ARK2N: variants seen among roughly 807,000 people sequenced by gnomAD.
ARK2N encodes protein ARK2N.
At chr18:46,226,647 A>G in the ARK2N span, among the ~76,000 whole-genome samples, 1 of 152,194 alleles carries the variant, frequency 6.6e-6, no homozygotes, top group African/African-American at 2.4e-5. Flanking sequence ...AGATGTTTTT[A>G]TGTGCAGCCT....
the ARK2N span, among the ~76,000 whole-genome samples, chr18:46,193,591 GTTTTTT>G: frequency 3.0e-4 from 28 of 92,396 alleles, no homozygotes; most frequent in Admixed American, 1.5e-3. Context: ...GCCCAGCCGG[GTTTTTT>G]TTTTTTTTTT....
chr18:46,176,487 C>A, the ARK2N span, among the ~76,000 whole-genome samples: 1 of 149,522 alleles, frequency 6.7e-6, no homozygotes, highest in African/African-American at 2.5e-5. Flanking sequence ...GACACTCTTG[C>A]TCTGTCACCC....
At chr18:46,187,385 G>A in the ARK2N span, among the ~76,000 whole-genome samples, 5 of 147,826 alleles carry the variant, frequency 3.4e-5, no homozygotes, top group Admixed American at 1.3e-4. Context: ...TCTGTCACCC[G>A]GGCTGGAGTG....
the ARK2N span, chr18:46,240,295 C>G: frequency 2.5e-6 from 3 of 1,223,562 alleles, no homozygotes; most frequent in Non-Finnish European, 3.4e-6. Context: ...CCAGAGACAT[C>G]TGGCATTGAA....
the ARK2N span, among the ~76,000 whole-genome samples, chr18:46,257,946 A>G: frequency 7.3e-6 from 1 of 137,598 alleles, no homozygotes; most frequent in African/African-American, 2.7e-5. Context: ...TTTTTTTTTG[A>G]GATGGAGTCT....
At chr18:46,201,782 T>TC in the ARK2N span, among the ~76,000 whole-genome samples, 5 of 148,898 alleles carry the variant, frequency 3.4e-5, no homozygotes, top group African/African-American at 1.2e-4. Context: ...TTCTTTTCTT[T>TC]TTTTTTTTTT....
the ARK2N span, among the ~76,000 whole-genome samples, chr18:46,190,242 G>A: frequency 7.2e-5 from 11 of 152,148 alleles, no homozygotes; most frequent in African/African-American, 2.4e-4. Flanking sequence ...TTTTCAGGCC[G>A]GGCGTGGTGG....
chr18:46,200,079 T>C, the ARK2N span, among the ~76,000 whole-genome samples: 1 of 151,642 alleles, frequency 6.6e-6, no homozygotes, highest in Non-Finnish European at 1.5e-5. Context: ...TGTGTGTGTG[T>C]GTGTGTGTGT....
chr18:46,197,740 T>G, the ARK2N span, among the ~76,000 whole-genome samples: 1 of 152,060 alleles, frequency 6.6e-6, no homozygotes, highest in Admixed American at 6.5e-5. Flanking sequence ...GACTCTCTTT[T>G]CAAAAAGGGG....
At chr18:46,225,976 C>G in the ARK2N span, among the ~76,000 whole-genome samples, 3 of 152,034 alleles carry the variant, frequency 2.0e-5, no homozygotes, top group Non-Finnish European at 4.4e-5. Context: ...TTAGTGAACC[C>G]AAATAGGTAG....
the ARK2N span, among the ~76,000 whole-genome samples, chr18:46,190,292 G>A: frequency 1.3e-5 from 2 of 152,072 alleles, no homozygotes; most frequent in Non-Finnish European, 2.9e-5. Flanking sequence ...GGCCGAGGCG[G>A]GTGGATCACA....
the ARK2N span, among the ~76,000 whole-genome samples, chr18:46,185,789 C>T: frequency 6.6e-6 from 1 of 152,248 alleles, no homozygotes; most frequent in South Asian, 2.1e-4. Flanking sequence ...GAGTTTGAGA[C>T]CAGCCTGGCC....
the ARK2N span, among the ~76,000 whole-genome samples, chr18:46,195,332 G>A: frequency 1.5e-5 from 2 of 132,458 alleles, no homozygotes; most frequent in Admixed American, 8.7e-5. Context: ...GCAGTGTTTC[G>A]ATCATAGCTT....
chr18:46,194,824 G>T, the ARK2N span, among the ~76,000 whole-genome samples: 1,514 of 135,452 alleles, frequency 0.011, 12 homozygotes, highest in Middle Eastern at 0.035. Context: ...TTTTTTTTGA[G>T]ATAGAGTCTC....
chr18:46,216,887 C>T, the ARK2N span: 4 of 317,478 alleles, frequency 1.3e-5, no homozygotes, highest in East Asian at 2.5e-4. The surrounding 1 kb of genome is among the most constrained non-coding windows in gnomAD (Gnocchi z 4.3). Flanking sequence ...ACCTGAACTC[C>T]CAATCATTGC....
At chr18:46,228,986 AAAG>A in the ARK2N span, 2 of 390,034 alleles carry the variant, frequency 5.1e-6, no homozygotes. Flanking sequence ...AAAGGAAGAA[AAAG>A]AAGTTTTGGC....
the ARK2N span, chr18:46,239,886 C>A: frequency 1.1e-6 from 1 of 897,132 alleles, no homozygotes; most frequent in Non-Finnish European, 1.8e-6. Flanking sequence ...CTATAAAGTG[C>A]AGCTTTTCTG....
chr18:46,194,463 T>C, the ARK2N span, among the ~76,000 whole-genome samples: 2 of 150,510 alleles, frequency 1.3e-5, no homozygotes, highest in Non-Finnish European at 2.9e-5. Context: ...GAATCTTTTT[T>C]TTGTTTTTTT....
chr18:46,258,833 C>T, the ARK2N span, among the ~76,000 whole-genome samples: 2 of 152,084 alleles, frequency 1.3e-5, no homozygotes, highest in Non-Finnish European at 2.9e-5. Context: ...CACAAAATTT[C>T]GAGCCTCTTG....
Sources: gnomAD v4.1 joint callset for allele counts (sites outside exome capture counted in the v4.1 genomes callset) on GRCh38, gnomAD v4.1.1 for gene constraint, Gnocchi (gnomAD v3.1) non-coding constraint, MANE v1.5 for transcripts, NCBI Gene and HGNC (gene_info 2026-07-23, HGNC 2026-07-21) for gene names.